The following PPFIBP2 variants were observed in gnomAD, a reference collection of about 807,000 sequenced individuals.
PPFIBP2 encodes liprin-beta-2.
In PPFIBP2, 118 loss-of-function variants were observed where a neutral mutation model predicts 118.3. That is an observed-to-expected ratio of 1.00 (90% CI 0.86 to 1.16). The LOEUF is 1.16. PPFIBP2 is among the 50% of genes most tolerant of loss of function. The pLI, the probability that PPFIBP2 is intolerant of heterozygous loss-of-function variation, is 0.00. For synonymous variants in PPFIBP2, 414 were observed against 397.4 expected (o/e 1.04, Z -0.50); for missense variants, 1,195 against 1,073.1 (o/e 1.11, Z -1.59).
intron 10 of PPFIBP2, among the ~76,000 whole-genome samples, chr11:7,629,804 G>T (rs779458830): frequency 6.6e-6 from 1 of 152,162 alleles, no homozygotes; most frequent in Non-Finnish European, 1.5e-5. Flanking sequence ...CCCTTGGAAG[G>T]TCTCTTATGC....
chr11:7,626,963 G>T (rs950349788), intron 8 of PPFIBP2, among the ~76,000 whole-genome samples: 10 of 152,238 alleles, frequency 6.6e-5, no homozygotes, highest in African/African-American at 1.2e-4. Context: ...GTCCGCCCAA[G>T]CCACTGGGTG....
chr11:7,526,756 C>T (rs908923292), intron 1 of PPFIBP2, among the ~76,000 whole-genome samples: 2 of 152,060 alleles, frequency 1.3e-5, no homozygotes, highest in African/African-American at 4.8e-5. Context: ...GCTTCTCTAT[C>T]CCAAGTCGCA....
intron 1 of PPFIBP2, among the ~76,000 whole-genome samples, chr11:7,517,015 AT>A (rs763180999): frequency 8.5e-5 from 13 of 152,084 alleles, no homozygotes; most frequent in African/African-American, 1.2e-4. Context: ...GAAAAACTTA[AT>A]TTTTAGGGTA....
intron 1 of PPFIBP2, chr11:7,539,162 G>A (rs568007579): frequency 7.9e-5 from 12 of 152,380 alleles, no homozygotes; most frequent in South Asian, 6.2e-4. Flanking sequence ...ATTAGACTCC[G>A]ATATTCACTG....
chr11:7,598,733 C>T (rs967211400), intron 5 of PPFIBP2, among the ~76,000 whole-genome samples: 8 of 152,012 alleles, frequency 5.3e-5, no homozygotes, highest in African/African-American at 1.9e-4. Flanking sequence ...TCCAAAAGCG[C>T]TAGCATTTTT....
At chr11:7,656,623 C>T (rs966225243), downstream of PPFIBP2, 2 of 727,992 alleles carry the variant, frequency 2.7e-6, no homozygotes, top group African/African-American at 3.6e-5. Context: ...GCACCTGTGT[C>T]AGATGCAGCC....
intron 13 of PPFIBP2, 118 bp downstream of exon 13, chr11:7,634,670 G>A: frequency 1.3e-6 from 1 of 769,200 alleles, no homozygotes; most frequent in Non-Finnish European, 2.3e-6. Context: ...TAAAGTTGTA[G>A]AGGAAGCAGG....
intron 2 of PPFIBP2, among the ~76,000 whole-genome samples, chr11:7,563,626 G>T (rs985015069): frequency 6.6e-6 from 1 of 152,164 alleles, no homozygotes; most frequent in Non-Finnish European, 1.5e-5. Context: ...GGATGCGGTG[G>T]CCCCAAGCTC....
chr11:7,580,171 A>C (rs901495899), intron 3 of PPFIBP2, among the ~76,000 whole-genome samples: 2 of 151,962 alleles, frequency 1.3e-5, no homozygotes, highest in African/African-American at 4.8e-5. Context: ...AGCTTTTACC[A>C]CAGATGACCA....
At chr11:7,601,222 G>C (rs1052775577) in intron 5 of PPFIBP2, among the ~76,000 whole-genome samples, 1 of 152,022 alleles carries the variant, frequency 6.6e-6, no homozygotes, top group Non-Finnish European at 1.5e-5. Context: ...TCAGTCTGTC[G>C]CTGCTCAGGG....
intron 1 of PPFIBP2, among the ~76,000 whole-genome samples, chr11:7,543,334 A>G (rs879275476): frequency 4.6e-5 from 7 of 152,216 alleles, no homozygotes; most frequent in Admixed American, 3.3e-4. Context: ...TAATATAGTG[A>G]CACTTCTTTA....
rs1850300954 is a variant in PPFIBP2, at chr11:7,628,364, T to C, written c.888+18T>C. 6.2e-7 allele frequency: 1 copy of C among 1,611,372 alleles called. No individual in the cohort carries two copies. Among genetic ancestry groups the C allele is most frequent in the South Asian group, 1.1e-5 (1 of 90,832 alleles). On this transcript the variant is annotated intron_variant, in intron 9 of 23. Transcript: ENST00000299492. The stretch of plus-strand genomic sequence containing the variant: ...AAGATAAGGTAAGATGGTCATTGGG[T>C]AGCCCTGTCTTTTCCATGCTTACAT...
intron 5 of PPFIBP2, among the ~76,000 whole-genome samples, chr11:7,602,934 C>T (rs1205643904): frequency 2.0e-5 from 3 of 152,188 alleles, no homozygotes; most frequent in African/African-American, 7.2e-5. Context: ...AATATGGACT[C>T]TGTATTGCCT....
intron 1 of PPFIBP2, among the ~76,000 whole-genome samples, chr11:7,543,049 C>T (rs1851953764): frequency 6.6e-6 from 1 of 152,220 alleles, no homozygotes; most frequent in African/African-American, 2.4e-5. Context: ...CTCTCCTTTG[C>T]CCTTTAGGAA....
At chr11:7,637,117 C>A (rs10839828) in intron 14 of PPFIBP2, among the ~76,000 whole-genome samples, 44,167 of 152,120 alleles carry the variant, frequency 0.29, 7,710 homozygotes, top group African/African-American at 0.47. Flanking sequence ...AATTTAAGTC[C>A]CTCATGCCCT....
the PPFIBP2 span, chr11:7,666,112 G>A: frequency 4.8e-6 from 3 of 622,106 alleles, no homozygotes; most frequent in African/African-American, 3.6e-5. Context: ...AAGGGTGAGT[G>A]GTGAAGGGGT....
chr11:7,571,552 CA>C (rs1336399484), intron 3 of PPFIBP2: 15 of 152,230 alleles, frequency 9.9e-5, no homozygotes, highest in East Asian at 3.9e-4. Context: ...GTGTGTTGAA[CA>C]TTTCAATTTT....
At chr11:7,662,843 A>G in the PPFIBP2 span, among the ~76,000 whole-genome samples, 1 of 150,528 alleles carries the variant, frequency 6.6e-6, no homozygotes, top group African/African-American at 2.4e-5. Context: ...GGCTTTGTTC[A>G]TTTCTTTTTA....
the PPFIBP2 span, among the ~76,000 whole-genome samples, chr11:7,663,522 C>G: frequency 6.6e-6 from 1 of 152,146 alleles, no homozygotes; most frequent in East Asian, 1.9e-4. Context: ...TCTGCAGCTG[C>G]GAGCTGGGAG....
Sources: allele counts gnomAD v4.1 joint callset (sites outside exome capture counted in the v4.1 genomes callset), GRCh38; gene constraint gnomAD v4.1.1; transcripts MANE v1.5; gene names NCBI Gene and HGNC (gene_info 2026-07-23, HGNC 2026-07-21).